The following CSRNP3 variants were observed in gnomAD, a reference collection of about 807,000 sequenced individuals.
CSRNP3 encodes cysteine/serine-rich nuclear protein 3.
Under a neutral mutation model 48.0 loss-of-function variants are expected in CSRNP3, and 12 were observed. The observed-to-expected ratio is 0.25, with a 90% CI of 0.16 to 0.41. The LOEUF (loss-of-function observed/expected upper bound fraction) is 0.41. Ranked by LOEUF, CSRNP3 falls within the 10% of genes least tolerant of loss-of-function variation. The pLI, the probability that CSRNP3 is intolerant of heterozygous loss-of-function variation, is 1.00. For synonymous variants in CSRNP3, 263 were observed against 269.7 expected (o/e 0.98, Z 0.24); for missense variants, 580 against 724.4 (o/e 0.80, Z 2.29).
In CSRNP3 at chr2:165,689,190, A is replaced by G. The variant is rs867070158; in HGVS notation, c.*9437A>G. 1 of 152,148 alleles carries G rather than the reference A, an allele frequency of 6.6e-6. No individual in the cohort carries two copies. The highest frequency in any genetic ancestry group is 6.6e-5 in the Admixed American group (1 of 15,262). 9.4% of individuals were successfully genotyped at this position (152,148 alleles called of 1,614,324 possible). A position where few individuals can be genotyped will look rare whatever the true frequency, so the allele number is the denominator to read the frequency against. ...ATATTAGCTGTAGTCTTCTGTATTT[A>G]TATTTTCAGTATTTATTATGAATGA... On this transcript the variant is annotated 3_prime_UTR_variant, in exon 7 of 7. Coordinates refer to ENST00000651982, the MANE Select transcript of CSRNP3 (RefSeq NM_001172173.2).
chr2:165,667,259 C>T (rs35200437), intron 5 of CSRNP3, among the ~76,000 whole-genome samples: 36,918 of 152,066 alleles, frequency 0.24, 5,322 homozygotes, highest in Non-Finnish European at 0.32. Flanking sequence ...GCCCAAGATG[C>T]AGATCTCATT....
Position 165,685,377 on chromosome 2 carries a change from C to G in CSRNP3, c.*5624C>G, listed in dbSNP as rs1687613865. ...TATGACCTGTGTTTTACCTGGTGAT[C>G]AGTTCTCAGGCTAGTCTAAGTCTGT... On this transcript the variant is annotated 3_prime_UTR_variant, in exon 7 of 7. Coordinates refer to ENST00000651982, the MANE Select transcript of CSRNP3 (RefSeq NM_001172173.2). 1 of 151,968 alleles carries G rather than the reference C, an allele frequency of 6.6e-6. No individual in the cohort carries two copies. Among genetic ancestry groups the G allele is most frequent in the Non-Finnish European group, 1.5e-5 (1 of 67,976 alleles). 9.4% of individuals were successfully genotyped at this position (151,968 alleles called of 1,614,324 possible).
chr2:165,569,984 T>C (rs1514761), intron 3 of CSRNP3, among the ~76,000 whole-genome samples: 102,678 of 151,834 alleles, frequency 0.68, 35,199 homozygotes, highest in South Asian at 0.75. Flanking sequence ...AAAAATTCTT[T>C]TAAGCAATCA....
chr2:165,565,543 A>C (rs1477656571), intron 3 of CSRNP3, among the ~76,000 whole-genome samples: 1 of 152,094 alleles, frequency 6.6e-6, no homozygotes, highest in Non-Finnish European at 1.5e-5. Flanking sequence ...AATAAAAAAC[A>C]GAGCCAAATA....
intron 2 of CSRNP3, among the ~76,000 whole-genome samples, chr2:165,508,290 A>G (rs1684455634): frequency 2.0e-5 from 3 of 152,052 alleles, no homozygotes; most frequent in Admixed American, 2.0e-4. Flanking sequence ...AATTAATTTT[A>G]TATTTAAAAG....
chr2:165,598,002 A>G (rs1685840689), intron 4 of CSRNP3, among the ~76,000 whole-genome samples: 1 of 152,128 alleles, frequency 6.6e-6, no homozygotes, highest in Admixed American at 6.5e-5. Flanking sequence ...ATATTTAGAA[A>G]GCACTTCGGA....
chr2:165,556,859 T>G (rs1685166724), intron 3 of CSRNP3, among the ~76,000 whole-genome samples: 1 of 152,158 alleles, frequency 6.6e-6, no homozygotes, highest in South Asian at 2.1e-4. Flanking sequence ...GAGGGTGTGA[T>G]CTGAACTAAT....
intron 2 of CSRNP3, among the ~76,000 whole-genome samples, chr2:165,509,181 T>C (rs1413761844): frequency 6.6e-6 from 1 of 152,130 alleles, no homozygotes; most frequent in Admixed American, 6.6e-5. Context: ...CTCTATAAAG[T>C]CACAAATGTG....
At chr2:165,532,293 C>T (rs375807912) in intron 3 of CSRNP3, among the ~76,000 whole-genome samples, 8 of 152,094 alleles carry the variant, frequency 5.3e-5, no homozygotes, top group Non-Finnish European at 1.0e-4. Flanking sequence ...TGATGAACAT[C>T]GATGCAAAAA....
At chr2:165,661,561 A>G (rs1687096820) in intron 5 of CSRNP3, among the ~76,000 whole-genome samples, 2 of 152,332 alleles carry the variant, frequency 1.3e-5, no homozygotes, top group East Asian at 1.9e-4. Context: ...TACTGAATGT[A>G]TATTGCTTTT....
intron 2 of CSRNP3, among the ~76,000 whole-genome samples, chr2:165,506,131 C>T (rs528972054): frequency 5.3e-5 from 8 of 152,256 alleles, no homozygotes; most frequent in East Asian, 1.9e-4. Flanking sequence ...TATGGGATTA[C>T]GGGTTCCCCA....
chr2:165,584,803 A>G (rs1193083371), intron 3 of CSRNP3, among the ~76,000 whole-genome samples: 2 of 152,168 alleles, frequency 1.3e-5, no homozygotes, highest in African/African-American at 2.4e-5. Flanking sequence ...GGGATGTCCA[A>G]TCTTTTGGCT....
chr2:165,600,146 A>C, intron 4 of CSRNP3, among the ~76,000 whole-genome samples: 1 of 138,352 alleles, frequency 7.2e-6, no homozygotes, highest in Non-Finnish European at 1.5e-5. Flanking sequence ...ATGTGTTCTC[A>C]TTGTTCAGTT....
At chr2:165,575,969 A>T (rs1023310984) in intron 3 of CSRNP3, among the ~76,000 whole-genome samples, 1 of 151,764 alleles carries the variant, frequency 6.6e-6, no homozygotes, top group Admixed American at 6.6e-5. Flanking sequence ...TTATTTTTTA[A>T]ATTAGCTATT....
chr2:165,668,551 G>T (rs1687274630), intron 5 of CSRNP3, among the ~76,000 whole-genome samples: 1 of 151,836 alleles, frequency 6.6e-6, no homozygotes, highest in Non-Finnish European at 1.5e-5. Context: ...GCAGGTGCCT[G>T]CCATCAATCC....
intron 4 of CSRNP3, among the ~76,000 whole-genome samples, chr2:165,599,108 C>T (rs1240130214): frequency 6.6e-6 from 1 of 151,732 alleles, no homozygotes; most frequent in East Asian, 1.9e-4. Context: ...TATGGTGGTG[C>T]ATGCCTGTGG....
chr2:165,553,028 T>A (rs920731644), intron 3 of CSRNP3, among the ~76,000 whole-genome samples: 1 of 152,188 alleles, frequency 6.6e-6, no homozygotes, highest in African/African-American at 2.4e-5. Flanking sequence ...TCAACGTTCA[T>A]GTAGATGATT....
At chr2:165,482,085 A>G (rs968359810) in intron 1 of CSRNP3, among the ~76,000 whole-genome samples, 10 of 152,064 alleles carry the variant, frequency 6.6e-5, no homozygotes, top group Non-Finnish European at 1.5e-5. Flanking sequence ...TAAAATAAAA[A>G]TAGAAGAAAA....
intron 2 of CSRNP3, among the ~76,000 whole-genome samples, chr2:165,506,488 A>G (rs764233628): frequency 1.3e-5 from 2 of 151,924 alleles, no homozygotes; most frequent in South Asian, 2.1e-4. Context: ...CCTTGTTGCA[A>G]TGGCCCAACT....
Sources: allele counts gnomAD v4.1 joint callset (sites outside exome capture counted in the v4.1 genomes callset), GRCh38; gene constraint gnomAD v4.1.1; transcripts MANE v1.5; gene names NCBI Gene and HGNC (gene_info 2026-07-23, HGNC 2026-07-21).